DNAI7: variants seen among roughly 807,000 people sequenced by gnomAD.
The protein encoded by DNAI7 is cancer susceptibility 1.
DNAI7 carries 78 observed loss-of-function variants against 86.6 expected under a neutral mutation model. That is an observed-to-expected ratio of 0.90 (90% CI 0.75 to 1.09). The LOEUF (loss-of-function observed/expected upper bound fraction) is 1.09. Among genes scored for constraint, DNAI7 ranks in the 50% least tolerant of loss-of-function variants. The pLI is 0.00. For synonymous variants in DNAI7, 274 were observed against 273.0 expected (o/e 1.00, Z -0.04); for missense variants, 753 against 810.2 (o/e 0.93, Z 0.86).
At chr12:25,111,704 T>G in intron 14 of DNAI7, 68 bp downstream of exon 14, 1 of 927,964 alleles carries the variant, frequency 1.1e-6, no homozygotes, top group Non-Finnish European at 1.5e-6. Flanking sequence ...TATTAAATTA[T>G]ATAACATTTA....
chr12:25,183,309 G>A (rs2141306564), intron 2 of DNAI7, among the ~76,000 whole-genome samples: 2 of 152,014 alleles, frequency 1.3e-5, no homozygotes, highest in East Asian at 2.0e-4. Flanking sequence ...GGTTTCACCA[G>A]AAGCCAAAAT....
At chr12:25,171,548 A>C (rs547077321) in intron 2 of DNAI7, among the ~76,000 whole-genome samples, 2 of 152,318 alleles carry the variant, frequency 1.3e-5, no homozygotes, top group South Asian at 4.1e-4. Context: ...ACATTCAAAG[A>C]AGAATTGGTA....
chr12:25,136,770 T>C (rs947739379), intron 9 of DNAI7, among the ~76,000 whole-genome samples: 10 of 152,104 alleles, frequency 6.6e-5, no homozygotes, highest in Admixed American at 6.6e-4. Context: ...CAAAATACAC[T>C]GGGAAGTTTT....
chr12:25,107,937 A>C, downstream of DNAI7: 1 of 1,614,202 alleles, frequency 6.2e-7, no homozygotes, highest in Non-Finnish European at 8.5e-7. Flanking sequence ...GCTTCCTCAC[A>C]GGCCAATTAT....
At chr12:25,147,650 G>T (rs1592418825) in intron 7 of DNAI7, among the ~76,000 whole-genome samples, 1 of 152,074 alleles carries the variant, frequency 6.6e-6, no homozygotes, top group African/African-American at 2.4e-5. Flanking sequence ...AGCAAGACTG[G>T]GTCTCAGAAA....
chr12:25,133,154 A>AT (rs74643470), intron 9 of DNAI7, among the ~76,000 whole-genome samples: 42,057 of 143,852 alleles, frequency 0.29, 6,460 homozygotes, highest in Admixed American at 0.35. Flanking sequence ...TAAAACTGTG[A>AT]TTTTTTTTTT....
chr12:25,185,579 T>C (rs1000031379), intron 2 of DNAI7, among the ~76,000 whole-genome samples: 1 of 152,260 alleles, frequency 6.6e-6, no homozygotes, highest in African/African-American at 2.4e-5. Flanking sequence ...AATAAATATG[T>C]TGATATGCAT....
Position 25,144,535 on chromosome 12 carries a change from C to A in DNAI7, c.832G>T (p.Glu278Ter), listed in dbSNP as rs1565714100. 1 of 1,614,056 alleles carries A rather than the reference C, an allele frequency of 6.2e-7. No homozygotes were observed. Among genetic ancestry groups the A allele is most frequent in the Non-Finnish European group, 8.5e-7 (1 of 1,179,986 alleles). ...AGCTCAGTTACTGCAGAAGTGTATT[C>A]TTTTGATGGTGTTGAAACAGGGTGC... is the stretch of plus-strand genomic sequence containing the variant. Reference protein sequence around the residue: ...ALHPVSTPSKEYTSAVTELVK... With the variant: ...ALHPVSTPSK Residue 278 changes from glutamate (E) to a stop codon, truncating the protein, a stop_gained, in exon 9 of 16, where the codon GAA (glutamate) becomes TAA (stop). Coordinates refer to ENST00000395987, the MANE Select transcript of DNAI7 (RefSeq NM_018272.5). LOFTEE classifies it high-confidence loss of function.
chr12:25,125,773 G>T (rs1174732588), intron 9 of DNAI7, among the ~76,000 whole-genome samples: 1 of 152,136 alleles, frequency 6.6e-6, no homozygotes, highest in African/African-American at 2.4e-5. Flanking sequence ...TCCATATTGG[G>T]TTGATTTTTG....
rs1009257842 is a variant in DNAI7, at chr12:25,194,812, A to C, written c.3+264T>G. 2.8e-5 allele frequency: 41 copies of C among 1,476,236 alleles called. No homozygotes were observed. In the African/African-American group the frequency reaches 5.0e-4, roughly 18 times the overall value. The allele number at this position is 1,476,236 out of a possible 1,614,324, so 91.4% of individuals were successfully genotyped here. A position where few individuals can be genotyped will look rare whatever the true frequency, so the allele number is the denominator to read the frequency against. On this transcript the variant is annotated intron_variant, in intron 1 of 15. Transcript: ENST00000395987. ...GTTGGGACCAATTTTCAAGCTTAGC[A>C]ACATTCGAGATCAGGATACCGTGTG...
In DNAI7 at chr12:25,119,307, TA is replaced by T. The variant is rs1443622188; in HGVS notation, c.1240-7del. ...TGTAATCCTTCTTTGAGTATCTTTT[TA>T]AAATGACCAAAACAACATCAAGTTA... On this transcript the variant is annotated splice_region_variant and splice_polypyrimidine_tract_variant and intron_variant, in intron 11 of 15. Coordinates refer to ENST00000395987, the MANE Select transcript of DNAI7 (RefSeq NM_018272.5). 2 of 1,592,486 alleles carry T rather than the reference TA, an allele frequency of 1.3e-6. No homozygotes were observed. The highest frequency in any genetic ancestry group is 1.3e-5 in the African/African-American group (1 of 74,264).
chr12:25,185,642 A>T, intron 2 of DNAI7: 68 of 207,908 alleles, frequency 3.3e-4, no homozygotes, highest in Middle Eastern at 2.4e-3. Context: ...AAATTGATTT[A>T]ATTCCCTCAT....
chr12:25,113,938 G>GTTTTTTTTTT (rs112532652), intron 13 of DNAI7, among the ~76,000 whole-genome samples: 6 of 82,830 alleles, frequency 7.2e-5, no homozygotes, highest in African/African-American at 9.8e-5. Flanking sequence ...TTCTTTCTGG[G>GTTTTTTTTTT]TTTTTTTTTT....
At chr12:25,110,396 T>C (rs1483419377) in intron 14 of DNAI7, among the ~76,000 whole-genome samples, 156 bp from the exon 15 acceptor site, 1 of 152,224 alleles carries the variant, frequency 6.6e-6, no homozygotes, top group Non-Finnish European at 1.5e-5. Flanking sequence ...GCAATGGCTT[T>C]CCTTTCTCTG....
At chr12:25,112,473 C>A (rs1286487811) in intron 13 of DNAI7, among the ~76,000 whole-genome samples, 2 of 123,456 alleles carry the variant, frequency 1.6e-5, no homozygotes, top group Non-Finnish European at 3.1e-5. Flanking sequence ...GTGGTGTGAT[C>A]TTGGCTCACT....
downstream of DNAI7, among the ~76,000 whole-genome samples, chr12:25,107,229 C>T (rs1399865980): frequency 6.6e-6 from 1 of 152,144 alleles, no homozygotes; most frequent in African/African-American, 2.4e-5. Flanking sequence ...TTTTGAGAGA[C>T]AGACTACATT....
At position 25,127,574 on chromosome 12, in the gene DNAI7, G is replaced by A. The variant is rs368844416; in HGVS notation, c.1003-4288C>T. On this transcript the variant is annotated intron_variant, in intron 9 of 15. Transcript: ENST00000395987. ...AACAATTTCTAAAAGATGTTTGCTT[G>A]GAAATGTTGACAGAATATGAATCAG... Among the ~76,000 whole-genome samples, 5 of 152,222 alleles carry A rather than the reference G, an allele frequency of 3.3e-5. No homozygotes were observed. The East Asian group carries it at 5.8e-4, about 18-fold the overall frequency.
At position 25,195,125 on chromosome 12, in the gene DNAI7, T is replaced by G; in HGVS notation, c.-47A>C. ...GTAGTCCGCAGAGTCGGAGCAGAAA[T>G]TGTGTGGACAAACGCTCCCGGGTTG... On this transcript the variant is annotated 5_prime_UTR_variant, in exon 1 of 16. Coordinates refer to ENST00000395987, the MANE Select transcript of DNAI7 (RefSeq NM_018272.5). 1 of 1,601,786 alleles carries G rather than the reference T, an allele frequency of 6.2e-7. No homozygotes were observed. The highest frequency in any genetic ancestry group is 8.6e-7 in the Non-Finnish European group (1 of 1,169,046).
chr12:25,186,069 A>T (rs924549661), intron 2 of DNAI7, among the ~76,000 whole-genome samples: 2 of 152,172 alleles, frequency 1.3e-5, no homozygotes, highest in African/African-American at 4.8e-5. Context: ...ATATTCATCA[A>T]TTTGTAAGGC....
Sources: allele counts gnomAD v4.1 joint callset (sites outside exome capture counted in the v4.1 genomes callset), GRCh38; gene constraint gnomAD v4.1.1; transcripts MANE v1.5; gene names NCBI Gene and HGNC (gene_info 2026-07-23, HGNC 2026-07-21).